Variants in MDFIC2 observed in about 807,000 individuals in gnomAD.
MDFIC2 encodes MyoD family inhibitor domain containing 2, also known as myoD family inhibitor domain-containing protein 2.
intron 2 of MDFIC2, among the ~76,000 whole-genome samples, chr3:70,264,937 A>G (rs1005164880): frequency 1.3e-5 from 2 of 152,220 alleles, no homozygotes; most frequent in Admixed American, 1.3e-4. Context: ...GGGATGCCTC[A>G]CAATCATGGT....
intron 2 of MDFIC2, among the ~76,000 whole-genome samples, chr3:70,258,132 T>A (rs1197481255): frequency 3.9e-5 from 6 of 152,110 alleles, no homozygotes; most frequent in Non-Finnish European, 5.9e-5. Context: ...GACAAAAAAA[T>A]TAATTTGAAA....
At chr3:70,268,968 A>G (rs1028938060) in intron 2 of MDFIC2, among the ~76,000 whole-genome samples, 3 of 152,158 alleles carry the variant, frequency 2.0e-5, no homozygotes, top group Non-Finnish European at 4.4e-5. Flanking sequence ...TGAACCAGGA[A>G]AAATCTTAAC....
chr3:70,306,376 G>GC (rs1249752085), intron 2 of MDFIC2, among the ~76,000 whole-genome samples: 1 of 152,188 alleles, frequency 6.6e-6, no homozygotes, highest in East Asian at 1.9e-4. Flanking sequence ...CTCCCAAAGT[G>GC]CTGGGATTAT....
chr3:70,234,073 T>C (rs968089835), intron 2 of MDFIC2, among the ~76,000 whole-genome samples: 1 of 152,152 alleles, frequency 6.6e-6, no homozygotes, highest in Admixed American at 6.5e-5. Flanking sequence ...TTAATAAAAT[T>C]CTGATACACA....
At chr3:70,211,929 C>T (rs1701355455) in intron 2 of MDFIC2, among the ~76,000 whole-genome samples, 1 of 150,848 alleles carries the variant, frequency 6.6e-6, no homozygotes, top group Admixed American at 6.7e-5. Flanking sequence ...CCTTCTCCCT[C>T]TCTGGTGTAA....
At chr3:70,304,118 G>A (rs563841230) in intron 2 of MDFIC2, among the ~76,000 whole-genome samples, 2 of 152,152 alleles carry the variant, frequency 1.3e-5, no homozygotes, top group East Asian at 1.9e-4. Flanking sequence ...AGGCTCTAGG[G>A]CCTGCTTCCA....
rs1169773468 is a variant in MDFIC2 at position 70,196,165 on chromosome 3, A to G, written c.*761T>C. ...ATTGAGATTTTTTTGAAACTTGCAC[A>G]TAATTCTCATTTATGCTTATTAGAA... is the stretch of plus-strand genomic sequence containing the variant. On this transcript the variant is annotated 3_prime_UTR_variant, in exon 4 of 4. Coordinates refer to ENST00000567252, the MANE Select transcript of MDFIC2 (RefSeq NM_001364677.1). Among the ~76,000 whole-genome samples the G allele has an allele frequency of 1.3e-5, 2 of 152,224 alleles. No individual in the cohort carries two copies. The highest frequency in any genetic ancestry group is 6.5e-5 in the Admixed American group (1 of 15,276).
At chr3:70,234,928 C>G (rs143813366) in intron 2 of MDFIC2, among the ~76,000 whole-genome samples, 1 of 152,134 alleles carries the variant, frequency 6.6e-6, no homozygotes, top group Non-Finnish European at 1.5e-5. Context: ...AGAAACCTCA[C>G]GGTTTCCTGA....
At chr3:70,300,027 T>C (rs1156947898) in intron 2 of MDFIC2, among the ~76,000 whole-genome samples, 1 of 152,164 alleles carries the variant, frequency 6.6e-6, no homozygotes. Context: ...CATCAGTTTG[T>C]ATTGTTACTG....
intron 3 of MDFIC2, chr3:70,205,721 G>A (rs977215962): frequency 2.0e-5 from 3 of 152,050 alleles, no homozygotes; most frequent in Non-Finnish European, 4.4e-5. Flanking sequence ...GTTATTCAAA[G>A]TTTATTTAAT....
intron 2 of MDFIC2, among the ~76,000 whole-genome samples, chr3:70,299,322 T>A (rs1575619811): frequency 1.0e-5 from 1 of 95,840 alleles, no homozygotes; most frequent in East Asian, 2.2e-4. Context: ...AATTTGTGCG[T>A]TATTTGTATA....
rs776343489 is a variant in MDFIC2, at chr3:70,228,009, A to G, written c.89-21219T>C. 8.6e-5 allele frequency among the ~76,000 whole-genome samples: 13 copies of G among 151,426 alleles called. No individual in the cohort carries two copies. The South Asian group carries it at 2.3e-3, about 27-fold the overall frequency. ...TAAATAATATTGATAATATAGTAGT[A>G]TAATAGTAATATAATAAGCAATATA... On this transcript the variant is annotated intron_variant, in intron 2 of 3. Transcript: ENST00000567252.
At chr3:70,229,675 C>T (rs1701540449) in intron 2 of MDFIC2, among the ~76,000 whole-genome samples, 1 of 152,162 alleles carries the variant, frequency 6.6e-6, no homozygotes, top group Non-Finnish European at 1.5e-5. Context: ...GTAGACAACT[C>T]TGATGAGCCC....
chr3:70,274,083 G>A (rs1035603233), intron 2 of MDFIC2, among the ~76,000 whole-genome samples: 4 of 148,312 alleles, frequency 2.7e-5, no homozygotes, highest in Non-Finnish European at 5.9e-5. Flanking sequence ...GTGTGTGTGT[G>A]TGTGTGTGCG....
intron 2 of MDFIC2, among the ~76,000 whole-genome samples, chr3:70,233,953 C>T (rs899146011): frequency 7.9e-5 from 12 of 152,106 alleles, no homozygotes; most frequent in East Asian, 3.9e-4. Flanking sequence ...TGAAAATTCC[C>T]GTGCAAGTTT....
rs560515418 is a variant in MDFIC2, at chr3:70,256,899, C to T, written c.89-50109G>A. 8.9e-4 allele frequency among the ~76,000 whole-genome samples: 135 copies of T among 152,280 alleles called. 1 individual carries two copies. The South Asian group carries it at 0.028, about 31-fold the overall frequency. ...TTCTGTAGATGGATGCTTGGGATTT[C>T]AGCACATGTTCTCACTTCCCTGGGA... On this transcript the variant is annotated intron_variant, in intron 2 of 3. Transcript: ENST00000567252.
At chr3:70,252,370 A>G (rs1010669641) in intron 2 of MDFIC2, among the ~76,000 whole-genome samples, 3 of 152,190 alleles carry the variant, frequency 2.0e-5, no homozygotes, top group African/African-American at 4.8e-5. Flanking sequence ...GCTTCAGTGT[A>G]TGACTTTTTT....
intron 2 of MDFIC2, among the ~76,000 whole-genome samples, chr3:70,238,634 T>C (rs1701636255): frequency 6.6e-6 from 1 of 151,882 alleles, no homozygotes; most frequent in African/African-American, 2.4e-5. Flanking sequence ...AAAGTCTCTC[T>C]GAGAATAAAC....
chr3:70,248,850 C>T (rs1701732783), intron 2 of MDFIC2, among the ~76,000 whole-genome samples: 1 of 152,088 alleles, frequency 6.6e-6, no homozygotes, highest in African/African-American at 2.4e-5. Flanking sequence ...GCCTACATGA[C>T]TCAATTGAAA....
Sources: gnomAD v4.1 joint callset for allele counts (sites outside exome capture counted in the v4.1 genomes callset) on GRCh38, gnomAD v4.1.1 for gene constraint, MANE v1.5 for transcripts, NCBI Gene and HGNC (gene_info 2026-07-23, HGNC 2026-07-21) for gene names.